Variants in TSPAN9 observed in about 807,000 individuals in gnomAD.
TSPAN9 encodes tetraspanin-9.
Under a neutral mutation model 31.0 loss-of-function variants are expected in TSPAN9, and 16 were observed. That is an observed-to-expected ratio of 0.52 (90% CI 0.35 to 0.78). The LOEUF is 0.78. TSPAN9 is among the 30% of genes least tolerant of loss of function. The pLI is 0.01. For synonymous variants in TSPAN9, 145 were observed against 121.6 expected (o/e 1.19, Z -1.27); for missense variants, 272 against 312.5 (o/e 0.87, Z 0.98).
intron 2 of TSPAN9, chr12:3,150,984 G>A (rs1291643956): frequency 6.6e-6 from 1 of 152,226 alleles, no homozygotes; most frequent in East Asian, 1.9e-4. Context: ...TCCCTCTGCA[G>A]CGTCCCCAGC....
rs1591660694 is a variant in TSPAN9, at chr12:3,175,016, G to GC, written c.-17-26161_-17-26160insC. Among the ~76,000 whole-genome samples the GC allele has an allele frequency of 2.6e-5, 4 of 152,312 alleles. No individual in the cohort carries two copies. The East Asian group carries it at 7.7e-4, about 29-fold the overall frequency. On this transcript the variant is annotated intron_variant, in intron 2 of 8. Transcript: ENST00000011898. ...CCTTATTTTCTGAGGAGGTGGCCAG[G>GC]TGAACTGGTGAGGCTTTTGTCCGCA...
At chr12:3,191,093 A>AG (rs1288567608) in intron 2 of TSPAN9, among the ~76,000 whole-genome samples, 1 of 151,036 alleles carries the variant, frequency 6.6e-6, no homozygotes, top group Non-Finnish European at 1.5e-5. Flanking sequence ...TGTGGGGGAA[A>AG]GGGGGTTTCA....
chr12:3,089,469 G>C (rs57918104), intron 2 of TSPAN9, among the ~76,000 whole-genome samples: 6 of 151,168 alleles, frequency 4.0e-5, no homozygotes, highest in Admixed American at 3.9e-4. Context: ...GCTAATTTTT[G>C]TATTTTTAGT....
intron 3 of TSPAN9, among the ~76,000 whole-genome samples, chr12:3,246,581 C>G (rs1002549550): frequency 3.9e-5 from 6 of 152,196 alleles, no homozygotes; most frequent in Non-Finnish European, 8.8e-5. Flanking sequence ...CCCATTCCTC[C>G]CTCAGTGCCA....
intron 2 of TSPAN9, among the ~76,000 whole-genome samples, chr12:3,179,659 A>T (rs1375030255): frequency 6.6e-6 from 1 of 152,176 alleles, no homozygotes; most frequent in African/African-American, 2.4e-5. Context: ...AGCTAACATC[A>T]TGCATTTTTT....
Position 3,154,010 on chromosome 12 carries a change from ATGTGTGTGTGTGTG to A in TSPAN9, c.-17-47149_-17-47136del, listed in dbSNP as rs56928697. On this transcript the variant is annotated intron_variant, in intron 2 of 8. Transcript: ENST00000011898. ...ATTAATATATTAGTATTATATATAT[ATGTGTGTGTGTGTG>A]TGTGTGTGTGTGTGTGTCTGTGGAT... 1.6e-3 allele frequency among the ~76,000 whole-genome samples: 230 copies of A among 147,986 alleles called. 3 individuals are homozygous for A. Among genetic ancestry groups the A allele is most frequent in the African/African-American group, 4.7e-3 (187 of 40,004 alleles).
At chr12:3,225,148 C>T (rs2098386517) in intron 3 of TSPAN9, among the ~76,000 whole-genome samples, 1 of 152,156 alleles carries the variant, frequency 6.6e-6, no homozygotes, top group South Asian at 2.1e-4. Flanking sequence ...TGGAGGTAAA[C>T]ACAGGAAGCC....
intron 3 of TSPAN9, among the ~76,000 whole-genome samples, chr12:3,208,618 C>T (rs2098376540): frequency 6.6e-6 from 1 of 152,234 alleles, no homozygotes; most frequent in African/African-American, 2.4e-5. Flanking sequence ...GCACACAGGG[C>T]TCCAGGTCCG....
At chr12:3,263,147 CAT>C (rs1370332362) in intron 3 of TSPAN9, among the ~76,000 whole-genome samples, 1 of 152,254 alleles carries the variant, frequency 6.6e-6, no homozygotes, top group African/African-American at 2.4e-5. Flanking sequence ...GAAATGGACT[CAT>C]AGCAGTTGCC....
chr12:3,130,844 T>C (rs1565586385), intron 2 of TSPAN9, among the ~76,000 whole-genome samples: 2 of 152,330 alleles, frequency 1.3e-5, no homozygotes, highest in East Asian at 3.9e-4. Context: ...TTTGCACATT[T>C]TCTTTTTTTG....
At chr12:3,094,389 A>G (rs925040059) in intron 2 of TSPAN9, among the ~76,000 whole-genome samples, 4 of 151,906 alleles carry the variant, frequency 2.6e-5, no homozygotes, top group Admixed American at 6.6e-5. Flanking sequence ...GACTCCAGGG[A>G]CCTCCCCATG....
intron 1 of TSPAN9, among the ~76,000 whole-genome samples, chr12:3,081,331 A>G (rs1424705130): frequency 1.3e-5 from 2 of 152,184 alleles, no homozygotes; most frequent in Non-Finnish European, 2.9e-5. Flanking sequence ...TTCGCCTGGC[A>G]TTCAGCATCC....
At chr12:3,087,530 G>A (rs1247901204) in intron 2 of TSPAN9, among the ~76,000 whole-genome samples, 7 of 151,926 alleles carry the variant, frequency 4.6e-5, no homozygotes, top group Admixed American at 1.3e-4. Flanking sequence ...AAAAGGGTCC[G>A]GGCATGGTGA....
intron 3 of TSPAN9, among the ~76,000 whole-genome samples, chr12:3,235,097 A>G (rs780434632): frequency 1.9e-4 from 26 of 138,600 alleles, no homozygotes; most frequent in Non-Finnish European, 9.2e-5. Context: ...AGCCCCGGAG[A>G]TGGAGCTTGC....
chr12:3,107,958 G>A lies in TSPAN9; in HGVS notation c.-18+24239G>A, dbSNP rs906724206. ...ACTTTCAACTCTATTCCTAAACCCA[G>A]TAAGAAACTCCCCAAAACCTCCATA... On this transcript the variant is annotated intron_variant, in intron 2 of 8. Coordinates refer to ENST00000011898, the MANE Select transcript of TSPAN9 (RefSeq NM_006675.5). The surrounding 1 kb of genome is among the most constrained non-coding windows in gnomAD (Gnocchi z 4.1). Among the ~76,000 whole-genome samples, 1 of 152,058 alleles carries A rather than the reference G, an allele frequency of 6.6e-6. No homozygotes were observed. Among genetic ancestry groups the A allele is most frequent in the African/African-American group, 2.4e-5 (1 of 41,384 alleles).
chr12:3,229,038 G>A (rs2098389297), intron 3 of TSPAN9, among the ~76,000 whole-genome samples: 1 of 152,194 alleles, frequency 6.6e-6, no homozygotes, highest in Non-Finnish European at 1.5e-5. Flanking sequence ...CATCCAGGAT[G>A]ATCTCCTTAT....
At chr12:3,157,024 C>T (rs1384477120) in intron 2 of TSPAN9, among the ~76,000 whole-genome samples, 2 of 152,094 alleles carry the variant, frequency 1.3e-5, no homozygotes, top group Non-Finnish European at 2.9e-5. Context: ...AAATTCTCCC[C>T]CGCTGAGCCT....
At chr12:3,260,027 G>T (rs373209403) in intron 3 of TSPAN9, among the ~76,000 whole-genome samples, 1 of 152,240 alleles carries the variant, frequency 6.6e-6, no homozygotes, top group African/African-American at 2.4e-5. Flanking sequence ...TGTAGCTTGA[G>T]CAGGAAGATT....
intron 2 of TSPAN9, among the ~76,000 whole-genome samples, chr12:3,130,174 C>T (rs1187078024): frequency 3.3e-5 from 5 of 152,240 alleles, no homozygotes; most frequent in African/African-American, 1.2e-4. Context: ...CCCCACCAGC[C>T]TGGGAAACCT....
Sources: gnomAD v4.1 joint callset for allele counts (sites outside exome capture counted in the v4.1 genomes callset) on GRCh38, gnomAD v4.1.1 for gene constraint, Gnocchi (gnomAD v3.1) non-coding constraint, MANE v1.5 for transcripts, NCBI Gene and HGNC (gene_info 2026-07-23, HGNC 2026-07-21) for gene names.